MREG: variants seen among roughly 807,000 people sequenced by gnomAD.
The protein encoded by MREG is melanoregulin, also known as dilute suppressor protein homolog.
In MREG, 31 loss-of-function variants were observed where a neutral mutation model predicts 28.5. That is an observed-to-expected ratio of 1.09 (90% CI 0.82 to 1.47). MREG has a LOEUF of 1.47. Ranked by LOEUF, MREG falls within the 40% of genes most tolerant of loss-of-function variation. The pLI, the probability that MREG is intolerant of heterozygous loss-of-function variation, is 0.00. For synonymous variants in MREG, 106 were observed against 95.2 expected (o/e 1.11, Z -0.66); for missense variants, 256 against 257.4 (o/e 0.99, Z 0.04).
intron 2 of MREG, among the ~76,000 whole-genome samples, chr2:215,952,080 G>A (rs187841970): frequency 5.3e-5 from 8 of 152,248 alleles, no homozygotes; most frequent in South Asian, 4.1e-4. Flanking sequence ...CATCCATGTC[G>A]TCACAAGTGG....
In MREG at chr2:215,945,702, C is replaced by T. The variant is rs923488831; in HGVS notation, c.379G>A (p.Val127Met). The part of the protein sequence containing the change: ...FQKEADSLLS[V>M]TKLSTISDSK... ...TCACTGATGGTGCTGAGTTTAGTCA[C>T]TGACAACAAAGAGTCAGCTTCCTTT... The change falls in exon 4 of 5, where the codon GTG becomes ATG. Residue 127 changes from valine (V) to methionine (M), a missense_variant. Physicochemically the swap from Val to Met is conservative, Grantham distance 21. Coordinates refer to ENST00000263268, the MANE Select transcript of MREG (RefSeq NM_018000.3). The T allele has an allele frequency of 6.2e-7, 1 of 1,613,668 alleles. No individual in the cohort carries two copies. Among genetic ancestry groups the T allele is most frequent in the African/African-American group, 1.3e-5 (1 of 74,916 alleles).
intron 2 of MREG, among the ~76,000 whole-genome samples, chr2:215,993,274 A>G (rs1383248267): frequency 2.6e-5 from 4 of 152,210 alleles, no homozygotes; most frequent in African/African-American, 9.7e-5. Flanking sequence ...CCACACATCT[A>G]AAACCATCTG....
intron 1 of MREG, among the ~76,000 whole-genome samples, chr2:215,996,777 C>CTT (rs35148406): frequency 2.8e-4 from 42 of 148,994 alleles, no homozygotes; most frequent in South Asian, 1.3e-3. Context: ...AAATTCAATT[C>CTT]TTTTTTTTTT....
intron 2 of MREG, among the ~76,000 whole-genome samples, chr2:215,971,286 T>G (rs146351518): frequency 6.6e-6 from 1 of 152,076 alleles, no homozygotes; most frequent in African/African-American, 2.4e-5. Flanking sequence ...TGCACATGCA[T>G]CCCAGAACTT....
chr2:215,996,531 A>T, intron 1 of MREG, 66 bp from the exon 2 acceptor site: 1 of 1,170,618 alleles, frequency 8.5e-7, no homozygotes, highest in Non-Finnish European at 1.2e-6. Flanking sequence ...TGTCATATGC[A>T]TGCAACATAC....
chr2:216,011,222 A>G (rs1024166124), intron 1 of MREG, among the ~76,000 whole-genome samples: 4 of 152,180 alleles, frequency 2.6e-5, no homozygotes, highest in Admixed American at 2.0e-4. Flanking sequence ...CAATCTTCAG[A>G]TGCCTTGTAT....
chr2:216,012,412 C>G (rs1694337713), intron 1 of MREG, among the ~76,000 whole-genome samples: 1 of 152,198 alleles, frequency 6.6e-6, no homozygotes, highest in African/African-American at 2.4e-5. Flanking sequence ...ACGTGAGTTT[C>G]ATACTTCAAA....
chr2:216,000,138 C>T (rs1693978034), intron 1 of MREG, among the ~76,000 whole-genome samples: 1 of 152,224 alleles, frequency 6.6e-6, no homozygotes, highest in East Asian at 1.9e-4. Context: ...TGCATTCCAC[C>T]CCTCACGTTA....
chr2:215,966,771 T>A (rs1559180066), intron 2 of MREG, among the ~76,000 whole-genome samples: 1 of 152,124 alleles, frequency 6.6e-6, no homozygotes, highest in East Asian at 1.9e-4. Flanking sequence ...CTGGCTAATT[T>A]TTGTATTTTT....
chr2:216,028,634 CAT>C (rs1290636350), intron 1 of MREG, among the ~76,000 whole-genome samples: 1 of 150,970 alleles, frequency 6.6e-6, no homozygotes, highest in Non-Finnish European at 1.5e-5. Context: ...TGATAGCTGA[CAT>C]AGATTTCCAG....
intron 2 of MREG, among the ~76,000 whole-genome samples, chr2:215,968,545 A>C (rs1693006356): frequency 6.6e-6 from 1 of 151,686 alleles, no homozygotes; most frequent in Non-Finnish European, 1.5e-5. Flanking sequence ...ATCTCTTAGC[A>C]CCTCTCAGTT....
chr2:216,008,834 C>A (rs1437223037), intron 1 of MREG, among the ~76,000 whole-genome samples: 1 of 152,154 alleles, frequency 6.6e-6, no homozygotes, highest in Non-Finnish European at 1.5e-5. Context: ...AAGCACTAAG[C>A]CCAATCTGTA....
intron 2 of MREG, among the ~76,000 whole-genome samples, chr2:215,982,232 A>T (rs1693446037): frequency 6.6e-6 from 1 of 151,934 alleles, no homozygotes; most frequent in Non-Finnish European, 1.5e-5. Context: ...GAGACAGGAG[A>T]ATCACTTGAA....
In MREG at chr2:216,031,647, AAAAGAAAGAAAG is replaced by A. The variant is rs200929112; in HGVS notation, c.-68+1130_-68+1141del. ...AAGGAACAAGGAAGGAAGGAAGAAG[AAAAGAAAGAAAG>A]AAAGAAAGAAAGAAAGAAAGAAAGA... On this transcript the variant is annotated intron_variant, in intron 1 of 3. Coordinates refer to the MREG transcript ENST00000420348. Among the ~76,000 whole-genome samples the A allele has an allele frequency of 9.3e-4, 91 of 98,062 alleles. 1 individual carries two copies. The highest frequency in any genetic ancestry group is 2.2e-3 in the African/African-American group (59 of 26,956). The allele number at this position is 98,062 out of a possible 152,430, so 64.3% of individuals were successfully genotyped here. A position where few individuals can be genotyped will look rare whatever the true frequency, so the allele number is the denominator to read the frequency against.
chr2:215,968,366 A>AT (rs1335815048), intron 2 of MREG, among the ~76,000 whole-genome samples: 1 of 152,078 alleles, frequency 6.6e-6, no homozygotes, highest in East Asian at 1.9e-4. Flanking sequence ...CAGGATAGTG[A>AT]TTTTTTCAAA....
intron 2 of MREG, among the ~76,000 whole-genome samples, chr2:215,986,989 C>T: frequency 6.6e-6 from 1 of 152,118 alleles, no homozygotes. Context: ...ATATGGATGT[C>T]CACTACAATA....
At chr2:215,995,883 GA>G (rs3836040) in intron 2 of MREG, among the ~76,000 whole-genome samples, 92 of 148,646 alleles carry the variant, frequency 6.2e-4, no homozygotes, top group African/African-American at 1.8e-3. Context: ...CTTTAAACAG[GA>G]AAAAAAAAAA....
At chr2:216,010,688 A>T (rs185140127) in intron 1 of MREG, among the ~76,000 whole-genome samples, 1 of 151,990 alleles carries the variant, frequency 6.6e-6, no homozygotes, top group Non-Finnish European at 1.5e-5. Context: ...CACTACGTTT[A>T]TGGGAAGTGG....
intron 2 of MREG, among the ~76,000 whole-genome samples, chr2:215,979,476 T>A (rs58540537): frequency 0.027 from 2,787 of 102,566 alleles, 118 homozygotes; most frequent in African/African-American, 0.12. Context: ...AAAATAATAA[T>A]AATAATAATA....
Sources: allele counts gnomAD v4.1 joint callset (sites outside exome capture counted in the v4.1 genomes callset), GRCh38; gene constraint gnomAD v4.1.1; transcripts MANE v1.5; gene names NCBI Gene and HGNC (gene_info 2026-07-23, HGNC 2026-07-21).